The following LIX1 variants were observed in gnomAD, a reference collection of about 807,000 sequenced individuals.
LIX1 encodes the protein limb and CNS expressed 1, also known as protein limb expression 1 homolog.
LIX1 carries 24 observed loss-of-function variants against 33.4 expected under a neutral mutation model. The ratio of observed to expected loss-of-function variants is 0.72; its 90% CI spans 0.52 to 1.01. LIX1 has a LOEUF of 1.01. Ranked by LOEUF, LIX1 falls within the 50% of genes least tolerant of loss-of-function variation. The pLI is 0.00. For synonymous variants in LIX1, 124 were observed against 124.0 expected (o/e 1.00, Z 0.00); for missense variants, 311 against 339.2 (o/e 0.92, Z 0.65).
At chr5:97,133,951 G>A (rs1748118755) in intron 1 of LIX1, among the ~76,000 whole-genome samples, 1 of 151,926 alleles carries the variant, frequency 6.6e-6, no homozygotes, top group South Asian at 2.1e-4. Flanking sequence ...CCACAAAAAG[G>A]GATCTTAAAA....
intron 5 of LIX1, among the ~76,000 whole-genome samples, chr5:97,096,170 A>G (rs1035347099): frequency 6.6e-6 from 1 of 152,194 alleles, no homozygotes; most frequent in Non-Finnish European, 1.5e-5. Context: ...CTTGGAGAAC[A>G]ACAGGTGAAA....
At position 97,092,344 on chromosome 5, in the gene LIX1, C is replaced by T. The variant is rs1746116210; in HGVS notation, c.*2404G>A. Reference sequence around the variant, plus strand: ...TCATGTGTTTAAATAGGGAATCTTCCACTCTAGTCCCCTTTATCACAGTGT... The same window carrying T: ...TCATGTGTTTAAATAGGGAATCTTCTACTCTAGTCCCCTTTATCACAGTGT... On this transcript the variant is annotated 3_prime_UTR_variant, in exon 6 of 6. Transcript: ENST00000274382. The T allele has an allele frequency of 6.6e-6, 1 of 152,268 alleles. No individual in the cohort carries two copies. Among genetic ancestry groups the T allele is most frequent in the African/African-American group, 2.4e-5 (1 of 41,420 alleles). 9.4% of individuals were successfully genotyped at this position (152,268 alleles called of 1,614,324 possible).
chr5:97,126,369 A>G (rs1325030404), intron 1 of LIX1, among the ~76,000 whole-genome samples: 1 of 152,094 alleles, frequency 6.6e-6, no homozygotes, highest in East Asian at 1.9e-4. Flanking sequence ...AGGTGTCTGC[A>G]CCTCCTCTGT....
chr5:97,094,800 G>A lies in LIX1; in HGVS notation c.797C>T (p.Ser266Phe), dbSNP rs1042106275. The A allele has an allele frequency of 1.2e-6, 2 of 1,614,066 alleles. No individual in the cohort carries two copies. Among genetic ancestry groups the A allele is most frequent in the Non-Finnish European group, 1.7e-6 (2 of 1,180,030 alleles). Residue 266 changes from serine (S) to phenylalanine (F), a missense_variant, in exon 6 of 6, where the codon TCC becomes TTC. Physicochemically the swap from Ser to Phe is radical, Grantham distance 155. Coordinates refer to ENST00000274382, the MANE Select transcript of LIX1 (RefSeq NM_153234.5). ...LTQICSDPDT[S>F]SPSDDQLSLT... ...GCTCAGCTGATCATCACTGGGTGAG[G>A]AAGTGTCAGGGTCACTGCAGATCTG...
chr5:97,136,212 C>A (rs1477120662), intron 1 of LIX1, among the ~76,000 whole-genome samples: 1 of 152,186 alleles, frequency 6.6e-6, no homozygotes, highest in Non-Finnish European at 1.5e-5. Context: ...ATAGGGCCAA[C>A]CCAAGGCAGA....
chr5:97,129,766 G>C (rs1029037449), intron 1 of LIX1, among the ~76,000 whole-genome samples: 1 of 152,080 alleles, frequency 6.6e-6, no homozygotes, highest in African/African-American at 2.4e-5. Context: ...ACAACCCCTG[G>C]AACATAGTAG....
intron 2 of LIX1, among the ~76,000 whole-genome samples, chr5:97,116,982 T>A (rs1747652538): frequency 6.6e-6 from 1 of 152,156 alleles, no homozygotes; most frequent in South Asian, 2.1e-4. Context: ...TATTTGGAGG[T>A]CAAGAATTTC....
intron 2 of LIX1, among the ~76,000 whole-genome samples, chr5:97,116,364 C>G (rs1747636536): frequency 6.6e-6 from 1 of 151,864 alleles, no homozygotes; most frequent in Non-Finnish European, 1.5e-5. Context: ...ATCCATAGGT[C>G]AGGGTGGCTG....
Position 97,092,447 on chromosome 5 carries a change from T to A in LIX1, c.*2301A>T, listed in dbSNP as rs1341850828. The A allele has an allele frequency of 2.0e-5, 3 of 152,336 alleles. No individual in the cohort carries two copies. The highest frequency in any genetic ancestry group is 7.2e-5 in the African/African-American group (3 of 41,448). 9.4% of individuals were successfully genotyped at this position (152,336 alleles called of 1,614,324 possible). On this transcript the variant is annotated 3_prime_UTR_variant, in exon 6 of 6. Transcript: ENST00000274382. ...AACCCTCTTTTCTCTAGGCTATAGTTAAAGATGTTTATATGATAGACTGAC... is the reference window on the plus strand; with the variant it reads ...AACCCTCTTTTCTCTAGGCTATAGTAAAAGATGTTTATATGATAGACTGAC...
intron 1 of LIX1, among the ~76,000 whole-genome samples, chr5:97,126,796 C>T (rs769783929): frequency 1.3e-5 from 2 of 151,762 alleles, no homozygotes; most frequent in African/African-American, 4.8e-5. Flanking sequence ...CCCACCACTA[C>T]GCCCAGCTAA....
chr5:97,130,172 G>A (rs931325721), intron 1 of LIX1, among the ~76,000 whole-genome samples: 3 of 152,140 alleles, frequency 2.0e-5, no homozygotes, highest in African/African-American at 7.2e-5. Context: ...AAGAACAAAG[G>A]AGGGACCTCA....
Position 97,096,911 on chromosome 5 carries a change from T to C in LIX1, c.484-24A>G, listed in dbSNP as rs759098073. The C allele has an allele frequency of 3.2e-6, 5 of 1,586,664 alleles. No individual in the cohort carries two copies. The East Asian group carries it at 8.9e-5, about 28-fold the overall frequency. ...TCCTACAAAACCCAAACACCTATCA[T>C]TGGTCCCAAAGCAGAAATGTGCATT... On this transcript the variant is annotated intron_variant, in intron 4 of 5. Coordinates refer to ENST00000274382, the MANE Select transcript of LIX1 (RefSeq NM_153234.5).
chr5:97,094,874 T>A lies in LIX1; in HGVS notation c.723A>T (p.Glu241Asp). 6.2e-7 allele frequency: 1 copy of A among 1,614,196 alleles called. No individual in the cohort carries two copies. The highest frequency in any genetic ancestry group is 8.5e-7 in the Non-Finnish European group (1 of 1,180,028). Reference sequence around the variant, plus strand: ...CTTTCTTTTCTTTGTAAAACCGTAGTTCTTGTCCTGCTTTCCTGGCTTCCT... The same window carrying A: ...CTTTCTTTTCTTTGTAAAACCGTAGATCTTGTCCTGCTTTCCTGGCTTCCT... ...QLEEARKAGQELRFYKEKKEI... is the reference protein window; with the variant it reads ...QLEEARKAGQDLRFYKEKKEI... Residue 241 changes from glutamate to aspartate, a missense_variant, in exon 6 of 6, where the codon GAA becomes GAT. By Grantham distance (45) the Glu-to-Asp change is conservative (BLOSUM62 2). Transcript: ENST00000274382.
At chr5:97,141,671 A>G (rs539368820) in intron 1 of LIX1, among the ~76,000 whole-genome samples, 2 of 152,312 alleles carry the variant, frequency 1.3e-5, no homozygotes, top group East Asian at 1.9e-4. Flanking sequence ...AAAAAATTCC[A>G]TATGCATTTT....
intron 1 of LIX1, among the ~76,000 whole-genome samples, chr5:97,142,235 T>A (rs1441924536): frequency 6.6e-6 from 1 of 152,234 alleles, no homozygotes; most frequent in Non-Finnish European, 1.5e-5. Context: ...GTTCATTAAG[T>A]CTTAGGCAGG....
At chr5:97,100,022 C>T (rs1471456921) in intron 4 of LIX1, among the ~76,000 whole-genome samples, 1 of 152,134 alleles carries the variant, frequency 6.6e-6, no homozygotes, top group African/African-American at 2.4e-5. Context: ...TAACAGGGCT[C>T]TTAATTCCAT....
intron 1 of LIX1, among the ~76,000 whole-genome samples, chr5:97,132,614 G>T (rs1748080683): frequency 6.6e-6 from 1 of 152,172 alleles, no homozygotes; most frequent in South Asian, 2.1e-4. Flanking sequence ...ATAACTGGAT[G>T]TGAACCCCAT....
intron 1 of LIX1, among the ~76,000 whole-genome samples, chr5:97,131,587 G>C (rs771224672): frequency 3.3e-5 from 5 of 152,200 alleles, no homozygotes; most frequent in Non-Finnish European, 7.3e-5. Context: ...ACAGTTTTCT[G>C]TTATTTAACT....
intron 2 of LIX1, among the ~76,000 whole-genome samples, chr5:97,123,352 A>T (rs948272509): frequency 6.6e-6 from 1 of 152,102 alleles, no homozygotes; most frequent in African/African-American, 2.4e-5. Flanking sequence ...CTCACCTTTC[A>T]CATACCCGCT....
Sources: gnomAD v4.1 joint callset for allele counts (sites outside exome capture counted in the v4.1 genomes callset) on GRCh38, gnomAD v4.1.1 for gene constraint, MANE v1.5 for transcripts, NCBI Gene and HGNC (gene_info 2026-07-23, HGNC 2026-07-21) for gene names.